Variants in NFU1 observed in about 807,000 individuals in gnomAD.
The protein encoded by NFU1 is NFU1 iron-sulfur cluster scaffold homolog, mitochondrial.
A neutral mutation model predicts 32.2 loss-of-function variants in NFU1; 30 were observed. That is an observed-to-expected ratio of 0.93 (90% CI 0.70 to 1.26). The LOEUF is 1.26. NFU1 is among the 50% of genes most tolerant of loss of function. The pLI, the probability that NFU1 is intolerant of heterozygous loss-of-function variation, is 0.00. For missense variants in NFU1, 306 were observed against 306.6 expected, an observed-to-expected ratio of 1.00 and a Z score of 0.02; for synonymous variants, 112 against 104.6, an observed-to-expected ratio of 1.07 and a Z score of -0.43.
chr2:69,437,610 A>G, upstream of NFU1: 1 of 717,414 alleles, frequency 1.4e-6, no homozygotes, highest in Non-Finnish European at 2.4e-6. Flanking sequence ...TGACCAAGAG[A>G]GGCCGGGGAA....
chr2:69,409,761 C>G (rs1284921493), intron 5 of NFU1, among the ~76,000 whole-genome samples: 1 of 152,088 alleles, frequency 6.6e-6, no homozygotes, highest in Non-Finnish European at 1.5e-5. Context: ...AGTAAGAACT[C>G]ACTCCCCTCC....
At chr2:69,419,912 T>G (rs891886747) in intron 3 of NFU1, among the ~76,000 whole-genome samples, 1 of 152,184 alleles carries the variant, frequency 6.6e-6, no homozygotes, top group Non-Finnish European at 1.5e-5. Context: ...GGTGAATGAA[T>G]AGACTGCTAT....
At chr2:69,408,148 A>G (rs1672760825) in intron 5 of NFU1, among the ~76,000 whole-genome samples, 1 of 152,184 alleles carries the variant, frequency 6.6e-6, no homozygotes, top group Non-Finnish European at 1.5e-5. Context: ...AATAACTATC[A>G]TTTTAGTTTA....
intron 2 of NFU1, among the ~76,000 whole-genome samples, chr2:69,430,400 G>C (rs1423427577): frequency 6.6e-6 from 1 of 151,976 alleles, no homozygotes; most frequent in Non-Finnish European, 1.5e-5. Context: ...TTTTTGTAAA[G>C]ACAGGGTTTG....
intron 2 of NFU1, among the ~76,000 whole-genome samples, chr2:69,429,385 T>A (rs888154716): frequency 1.3e-5 from 2 of 151,420 alleles, no homozygotes; most frequent in Admixed American, 6.6e-5. Context: ...GCAACAGAGA[T>A]CCTGTCTCTA....
In NFU1 at chr2:69,404,615, A is replaced by ATTTTTTTTTTTTTTTTTTTT. The variant is rs534309730; in HGVS notation, c.545+1387_545+1406dup. On this transcript the variant is annotated intron_variant, in intron 6 of 7. Transcript: ENST00000410022. ...CACTTAATAACTACTATCTTAGCAAATTTTTTTTTTTTTTTTTTTTTTTGA... is the reference window on the plus strand; with the variant it reads ...CACTTAATAACTACTATCTTAGCAAATTTTTTTTTTTTTTTTTTTTTTTTTTTTTTTTTTTTTTTTTTTGA... Among the ~76,000 whole-genome samples the ATTTTTTTTTTTTTTTTTTTT allele has an allele frequency of 7.0e-3, 510 of 72,972 alleles. 106 individuals are homozygous for ATTTTTTTTTTTTTTTTTTTT. The highest frequency in any genetic ancestry group is 0.018 in the African/African-American group (282 of 15,916). 47.9% of individuals were successfully genotyped at this position (72,972 alleles called of 152,430 possible).
intron 2 of NFU1, among the ~76,000 whole-genome samples, chr2:69,429,753 G>T (rs1226547463): frequency 2.0e-5 from 3 of 152,158 alleles, no homozygotes; most frequent in African/African-American, 7.2e-5. Context: ...TTCAGGCTGG[G>T]CACGGTGGCT....
rs747420560 is a variant in NFU1 at position 69,415,205 on chromosome 2, T to A, written c.464A>T (p.Glu155Val). The A allele has an allele frequency of 6.2e-7, 1 of 1,606,764 alleles. No individual in the cohort carries two copies. Among genetic ancestry groups the A allele is most frequent in the Non-Finnish European group, 8.5e-7 (1 of 1,173,362 alleles). The change falls in exon 5 of 8, where the codon GAA becomes GTA. Residue 155 changes from glutamate (E) to valine (V), a missense_variant. Physicochemically the swap from Glu to Val is moderately radical, Grantham distance 121. Transcript: ENST00000410022. ...FASGLPLVTE[E>V]TPSGEAGSEE... ...GTTACCTGCTTCTCCTGAAGGTGTT[T>A]CCTCAGTAACCAGGGGTAAGCCAGA...
chr2:69,439,324 T>TA (rs1165414560), upstream of NFU1, among the ~76,000 whole-genome samples: 3 of 152,278 alleles, frequency 2.0e-5, no homozygotes, highest in African/African-American at 4.8e-5. Flanking sequence ...TGGTGAGTGT[T>TA]ACAGTTCTTA....
At chr2:69,420,543 G>A (rs1176677901) in intron 3 of NFU1, among the ~76,000 whole-genome samples, 1 of 152,136 alleles carries the variant, frequency 6.6e-6, no homozygotes, top group South Asian at 2.1e-4. Context: ...CTTTTTGTCA[G>A]TGCATTTGTT....
intron 6 of NFU1, among the ~76,000 whole-genome samples, chr2:69,401,998 A>G (rs1275427629): frequency 6.6e-6 from 1 of 151,682 alleles, no homozygotes; most frequent in African/African-American, 2.4e-5. Flanking sequence ...GGTACAGGTG[A>G]TTCTCCTGCC....
chr2:69,412,534 G>A lies in NFU1; in HGVS notation c.484+2651C>T, dbSNP rs186689017. Reference sequence around the variant, plus strand: ...CCCGAGTAGCTGGGATTACAGGCACGCGCCACCACACCCAGCTAATTTTTG... The same window carrying A: ...CCCGAGTAGCTGGGATTACAGGCACACGCCACCACACCCAGCTAATTTTTG... On this transcript the variant is annotated intron_variant, in intron 5 of 7. Coordinates refer to ENST00000410022, the MANE Select transcript of NFU1 (RefSeq NM_001002755.4). Among the ~76,000 whole-genome samples, 720 of 151,768 alleles carry A rather than the reference G, an allele frequency of 4.7e-3. 10 individuals carry two copies. Among genetic ancestry groups the A allele is most frequent in the Admixed American group, 0.011 (172 of 15,236 alleles).
chr2:69,432,890 C>T (rs1164989900), intron 1 of NFU1, among the ~76,000 whole-genome samples: 1 of 151,940 alleles, frequency 6.6e-6, no homozygotes, highest in East Asian at 2.0e-4. Flanking sequence ...TGGCTCACGC[C>T]TGTAATGCCA....
Position 69,400,768 on chromosome 2 carries a change from A to G in NFU1, c.546-230T>C, listed in dbSNP as rs150086656. Among the ~76,000 whole-genome samples, 1,742 of 151,972 alleles carry G rather than the reference A, an allele frequency of 0.011. 30 individuals carry two copies. The highest frequency in any genetic ancestry group is 0.04 in the African/African-American group (1,644 of 41,418). ...ACTCATACAAATATTTCCTCCGCTT[A>G]CCGCATTTGATCTTGCTTGCTAATA... On this transcript the variant is annotated intron_variant, in intron 6 of 7. Transcript: ENST00000410022.
At position 69,437,351 on chromosome 2, in the gene NFU1, CG is replaced by C. The variant is rs1558859088; in HGVS notation, c.62+9del. ...GCACACCTATTCGGAGCTCCAGGCT[CG>C]TCACCTACCGCCTGCGCAGCCCGGC... On this transcript the variant is annotated intron_variant, in intron 1 of 7. Transcript: ENST00000410022. 1.2e-6 allele frequency: 2 copies of C among 1,605,586 alleles called. No homozygotes were observed. Among genetic ancestry groups the C allele is most frequent in the South Asian group, 2.2e-5 (2 of 90,352 alleles).
intron 5 of NFU1, 135 bp from the exon 6 acceptor site, chr2:69,406,217 A>G (rs1165149965): frequency 8.1e-6 from 5 of 616,554 alleles, no homozygotes; most frequent in Non-Finnish European, 1.1e-5. Flanking sequence ...GTAACTTGGT[A>G]TGGAGATATA....
At position 69,423,636 on chromosome 2, in the gene NFU1, G is replaced by A; in HGVS notation, c.248C>T (p.Thr83Ile). 2 of 1,613,494 alleles carry A rather than the reference G, an allele frequency of 1.2e-6. No homozygotes were observed. The highest frequency in any genetic ancestry group is 1.7e-6 in the Non-Finnish European group (2 of 1,179,522). ...KFIPGKPVLE[T>I]RTMDFPTPAA... is the part of the protein sequence containing the mutation. ...TGGGGTGGGAAAATCCATGGTCCTT[G>A]TCTCAAGAACTGGTTTTCCTGGTAT... is the stretch of plus-strand genomic sequence containing the variant. The change falls in exon 3 of 8, where the codon ACA becomes ATA. Residue 83 changes from threonine to isoleucine, a missense_variant. Thr to Ile is a moderately conservative substitution (Grantham distance 89). Coordinates refer to ENST00000410022, the MANE Select transcript of NFU1 (RefSeq NM_001002755.4).
chr2:69,434,390 C>T (rs1342061255), intron 1 of NFU1, among the ~76,000 whole-genome samples: 2 of 152,060 alleles, frequency 1.3e-5, no homozygotes, highest in East Asian at 3.9e-4. Flanking sequence ...GATCCACTAG[C>T]CTCGGCCTCC....
intron 1 of NFU1, 160 bp downstream of exon 1, chr2:69,437,201 C>G (rs1673872714): frequency 7.0e-7 from 1 of 1,427,086 alleles, no homozygotes; most frequent in Non-Finnish European, 9.2e-7. Flanking sequence ...CCCGCACAGA[C>G]AGCCTCAGGG....
Sources: gnomAD v4.1 joint callset for allele counts (sites outside exome capture counted in the v4.1 genomes callset) on GRCh38, gnomAD v4.1.1 for gene constraint, MANE v1.5 for transcripts, NCBI Gene and HGNC (gene_info 2026-07-23, HGNC 2026-07-21) for gene names.